The following C1GALT1 variants were observed in gnomAD, a reference collection of about 807,000 sequenced individuals.
C1GALT1 encodes glycoprotein-N-acetylgalactosamine 3-beta-galactosyltransferase 1.
Under a neutral mutation model 31.0 loss-of-function variants are expected in C1GALT1, and 11 were observed. The observed-to-expected ratio is 0.36, with a 90% confidence interval of 0.22 to 0.59. The LOEUF (loss-of-function observed/expected upper bound fraction) is 0.59, where lower values mean the gene tolerates loss of function less well. Among genes scored for constraint, C1GALT1 ranks in the 20% least tolerant of loss-of-function variants. The pLI, the probability that C1GALT1 is intolerant of heterozygous loss-of-function variation, is 0.79. For missense variants in C1GALT1, 424 were observed against 425.2 expected (o/e 1.00, Z 0.03); for synonymous variants, 175 against 143.6 (o/e 1.22, Z -1.56).
upstream of C1GALT1, chr7:7,178,207 G>T: frequency 4.4e-6 from 1 of 226,298 alleles, no homozygotes; most frequent in South Asian, 7.8e-5. Context: ...AAGCAGAATT[G>T]AACCGCCCCC....
At chr7:7,167,966 A>G (rs1281945992) in intron 2 of C1GALT1, among the ~76,000 whole-genome samples, 2 of 152,146 alleles carry the variant, frequency 1.3e-5, no homozygotes, top group Non-Finnish European at 2.9e-5. Context: ...ATTTTCTTTC[A>G]AAGAAAGACA....
At chr7:7,175,175 G>C (rs891281024) in intron 2 of C1GALT1, among the ~76,000 whole-genome samples, 1 of 152,188 alleles carries the variant, frequency 6.6e-6, no homozygotes, top group Non-Finnish European at 1.5e-5. Flanking sequence ...TTTGATGCCT[G>C]TCTCAAACTA....
upstream of C1GALT1, among the ~76,000 whole-genome samples, chr7:7,181,689 A>G (rs577390958): frequency 6.6e-6 from 1 of 152,328 alleles, no homozygotes; most frequent in Non-Finnish European, 1.5e-5. Context: ...TTCAGAGCCC[A>G]TACTCTTTAA....
chr7:7,236,927 C>G (rs1783384901), intron 2 of C1GALT1, among the ~76,000 whole-genome samples: 2 of 152,172 alleles, frequency 1.3e-5, no homozygotes, highest in Non-Finnish European at 1.5e-5. Flanking sequence ...TCTCATAGGA[C>G]TAAGCTTCTG....
intron 1 of C1GALT1, among the ~76,000 whole-genome samples, chr7:7,223,095 T>C (rs564915849): frequency 6.6e-6 from 1 of 152,354 alleles, no homozygotes; most frequent in African/African-American, 2.4e-5. Context: ...AATATCATTT[T>C]ATTTTATGGA....
At chr7:7,221,600 T>G (rs866369850) in intron 1 of C1GALT1, among the ~76,000 whole-genome samples, 8 of 152,258 alleles carry the variant, frequency 5.3e-5, no homozygotes, top group Non-Finnish European at 8.8e-5. Flanking sequence ...TTGTTGGGAC[T>G]AATCACCAGT....
At chr7:7,179,588 T>G (rs1345971746), upstream of C1GALT1, among the ~76,000 whole-genome samples, 1 of 152,216 alleles carries the variant, frequency 6.6e-6, no homozygotes, top group South Asian at 2.1e-4. Flanking sequence ...AAATAAATGA[T>G]GACTTGGCCT....
chr7:7,220,943 A>G (rs1359997984), intron 1 of C1GALT1, among the ~76,000 whole-genome samples: 1 of 152,196 alleles, frequency 6.6e-6, no homozygotes, highest in Non-Finnish European at 1.5e-5. Context: ...GTGCAAGTCC[A>G]GAACCACTTA....
chr7:7,197,323 G>T (rs1043159178), intron 1 of C1GALT1, among the ~76,000 whole-genome samples: 4 of 152,094 alleles, frequency 2.6e-5, no homozygotes, highest in African/African-American at 9.7e-5. Context: ...GCTTGTTTTT[G>T]TCGGGTTTGT....
chr7:7,209,516 C>G (rs1219195657), intron 1 of C1GALT1: 1 of 152,210 alleles, frequency 6.6e-6, no homozygotes, highest in East Asian at 1.9e-4. Flanking sequence ...AGTATAGAAA[C>G]AGGAGCATGA....
At chr7:7,182,044 C>T (rs1183013710), upstream of C1GALT1, among the ~76,000 whole-genome samples, 3 of 152,216 alleles carry the variant, frequency 2.0e-5, no homozygotes, top group Non-Finnish European at 2.9e-5. Flanking sequence ...TCTCGGTTCT[C>T]AGCTCTTCCT....
At chr7:7,227,237 G>T (rs945893472) in intron 1 of C1GALT1, among the ~76,000 whole-genome samples, 1 of 152,076 alleles carries the variant, frequency 6.6e-6, no homozygotes, top group Non-Finnish European at 1.5e-5. Context: ...AAACTGTAGG[G>T]TTATGGTTTG....
rs888918411 is a variant in C1GALT1, at chr7:7,185,524, C to T, written c.-18+2704C>T. Among the ~76,000 whole-genome samples, 4 of 152,170 alleles carry T rather than the reference C, an allele frequency of 2.6e-5. 1 individual carries two copies. Among genetic ancestry groups the T allele is most frequent in the African/African-American group, 9.7e-5 (4 of 41,440 alleles). On this transcript the variant is annotated intron_variant, in intron 1 of 3. Transcript: ENST00000436587. Reference sequence around the variant, plus strand: ...GTTCGAGGGGAGAATCTGTTCCATGCCTCTTAGCTTGTTGTGTTACTGCCA... The same window carrying T: ...GTTCGAGGGGAGAATCTGTTCCATGTCTCTTAGCTTGTTGTGTTACTGCCA...
chr7:7,196,908 G>T (rs1781314843), intron 1 of C1GALT1, among the ~76,000 whole-genome samples: 1 of 151,984 alleles, frequency 6.6e-6, no homozygotes, highest in Non-Finnish European at 1.5e-5. Flanking sequence ...TTTTGATGGG[G>T]TTGTTTGATT....
intron 3 of C1GALT1, among the ~76,000 whole-genome samples, chr7:7,242,337 A>G (rs1450030685): frequency 1.3e-5 from 2 of 151,000 alleles, no homozygotes; most frequent in Non-Finnish European, 1.5e-5. Context: ...TTTTATTCTG[A>G]TATTTCCTAA....
chr7:7,210,951 A>G (rs1172985626), intron 1 of C1GALT1, among the ~76,000 whole-genome samples: 1 of 152,204 alleles, frequency 6.6e-6, no homozygotes, highest in African/African-American at 2.4e-5. Context: ...ATTTCTTAAT[A>G]ACTCCTACAA....
chr7:7,186,041 G>A (rs1040099842), intron 1 of C1GALT1, among the ~76,000 whole-genome samples: 2 of 125,494 alleles, frequency 1.6e-5, no homozygotes, highest in African/African-American at 3.5e-5. Flanking sequence ...CTGGTTCAGG[G>A]GGCCACATCT....
At chr7:7,225,071 TGTTA>T (rs1292742928) in intron 1 of C1GALT1, among the ~76,000 whole-genome samples, 4 of 152,010 alleles carry the variant, frequency 2.6e-5, no homozygotes, top group East Asian at 1.9e-4. Flanking sequence ...TTCTGTCCTG[TGTTA>T]GTTCACTTAA....
Position 7,247,670 on chromosome 7 carries a change from A to G in C1GALT1, c.*3943A>G, listed in dbSNP as rs1378939453. Reference sequence around the variant, plus strand: ...CATCTAGCATTTTATTTGCCATTTCAATTTTCAGTTCATTAGACTATAATT... The same window carrying G: ...CATCTAGCATTTTATTTGCCATTTCGATTTTCAGTTCATTAGACTATAATT... On this transcript the variant is annotated 3_prime_UTR_variant, in exon 4 of 4. Coordinates refer to ENST00000436587, the MANE Select transcript of C1GALT1 (RefSeq NM_020156.5). 1 of 152,080 alleles carries G rather than the reference A, an allele frequency of 6.6e-6. No individual in the cohort carries two copies. Among genetic ancestry groups the G allele is most frequent in the Non-Finnish European group, 1.5e-5 (1 of 67,946 alleles). 9.4% of individuals were successfully genotyped at this position (152,080 alleles called of 1,614,324 possible).
Sources: allele counts gnomAD v4.1 joint callset (sites outside exome capture counted in the v4.1 genomes callset), GRCh38; gene constraint gnomAD v4.1.1; transcripts MANE v1.5; gene names NCBI Gene and HGNC (gene_info 2026-07-23, HGNC 2026-07-21).